The following KCND2 variants were observed in gnomAD, a reference collection of about 807,000 sequenced individuals.
KCND2 encodes A-type voltage-gated potassium channel KCND2.
In KCND2, 16 loss-of-function variants were observed where a neutral mutation model predicts 54.4. The ratio of observed to expected loss-of-function variants is 0.29; its 90% CI spans 0.20 to 0.45. The LOEUF (loss-of-function observed/expected upper bound fraction) is 0.45, where lower values mean the gene tolerates loss of function less well. Ranked by LOEUF, KCND2 falls within the 20% of genes least tolerant of loss-of-function variation. The probability of loss-of-function intolerance (pLI) is 1.00; values close to 1 mark genes in which losing one functional copy is unlikely to be tolerated. For missense variants in KCND2, 486 were observed against 824.2 expected (o/e 0.59, Z 5.02); for synonymous variants, 317 against 310.7 (o/e 1.02, Z -0.21).
rs367633670 is a variant in KCND2, at chr7:120,275,622, G to T, written c.990G>T (p.Ser330=). ...CAGAATTGGGCTTCTTGCTTTTCTC[G>T]CTCACCATGGCTATCATCATCTTCG... ...CASELGFLLF[S]LTMAIIIFAT... Residue 330 remains serine (S), a synonymous_variant, in exon 1 of 6, where the codon TCG becomes TCT. Transcript: ENST00000331113. The T allele has an allele frequency of 6.2e-7, 1 of 1,610,042 alleles. No homozygotes were observed. Among genetic ancestry groups the T allele is most frequent in the Non-Finnish European group, 8.5e-7 (1 of 1,179,978 alleles).
At chr7:120,598,092 A>G (rs1362035960) in intron 1 of KCND2, among the ~76,000 whole-genome samples, 1 of 152,012 alleles carries the variant, frequency 6.6e-6, no homozygotes, top group East Asian at 1.9e-4. Flanking sequence ...AAAAAAAACT[A>G]AAGAAAAACT....
chr7:120,365,146 GA>G, intron 1 of KCND2, among the ~76,000 whole-genome samples: 1 of 145,928 alleles, frequency 6.9e-6, no homozygotes, highest in East Asian at 2.1e-4. Flanking sequence ...TGAAATTAAG[GA>G]AGGGAAAATG....
intron 1 of KCND2, among the ~76,000 whole-genome samples, chr7:120,575,132 G>C (rs900971733): frequency 1.3e-5 from 2 of 152,102 alleles, no homozygotes; most frequent in Non-Finnish European, 2.9e-5. Context: ...ATATATGAAA[G>C]GGTGTTTATT....
At chr7:120,555,241 G>T (rs1386266647) in intron 1 of KCND2, among the ~76,000 whole-genome samples, 2 of 152,126 alleles carry the variant, frequency 1.3e-5, no homozygotes, top group Non-Finnish European at 1.5e-5. Context: ...TGGGTTTGGG[G>T]TGATTGTAAC....
chr7:120,591,811 A>G (rs1792675162), intron 1 of KCND2, among the ~76,000 whole-genome samples: 1 of 152,210 alleles, frequency 6.6e-6, no homozygotes, highest in Admixed American at 6.5e-5. Flanking sequence ...GGTACTTGCC[A>G]CTATGTGTGA....
intron 1 of KCND2, among the ~76,000 whole-genome samples, chr7:120,634,070 T>C (rs1202604568): frequency 3.9e-5 from 6 of 152,158 alleles, no homozygotes; most frequent in Non-Finnish European, 1.5e-5. Context: ...AACAGGCATT[T>C]ATAGAATCTT....
chr7:120,459,123 C>G lies in KCND2; in HGVS notation c.1115+183376C>G, dbSNP rs979032892. Among the ~76,000 whole-genome samples, 5 of 152,000 alleles carry G rather than the reference C, an allele frequency of 3.3e-5. No homozygotes were observed. In the South Asian group the frequency reaches 8.3e-4, roughly 25 times the overall value. The stretch of plus-strand genomic sequence containing the variant: ...TGCAAACTCTCCCAGAAAACAAGCC[C>G]AAGCACTTAATATGGCCTATCAGGC... On this transcript the variant is annotated intron_variant, in intron 1 of 5. Coordinates refer to ENST00000331113, the MANE Select transcript of KCND2 (RefSeq NM_012281.3).
At chr7:120,298,403 A>G (rs1799540530) in intron 1 of KCND2, among the ~76,000 whole-genome samples, 1 of 152,214 alleles carries the variant, frequency 6.6e-6, no homozygotes, top group African/African-American at 2.4e-5. Flanking sequence ...GAACTATACC[A>G]GTCTAGTGAC....
intron 1 of KCND2, among the ~76,000 whole-genome samples, chr7:120,730,809 T>G (rs116669225): frequency 0.01 from 1,583 of 152,258 alleles, 21 homozygotes; most frequent in African/African-American, 0.036. Context: ...CCAATTCCTC[T>G]CCATCTCCAT....
intron 1 of KCND2, among the ~76,000 whole-genome samples, chr7:120,428,866 A>C (rs891032498): frequency 1.4e-4 from 21 of 152,186 alleles, no homozygotes; most frequent in Non-Finnish European, 1.0e-4. Context: ...AAATACATAA[A>C]TACCCCTTAA....
chr7:120,301,668 C>T (rs80145614), intron 1 of KCND2, among the ~76,000 whole-genome samples: 3,227 of 151,934 alleles, frequency 0.021, 74 homozygotes, highest in South Asian at 0.1. Flanking sequence ...ACAAAATATA[C>T]GAAAATTTTA....
intron 1 of KCND2, among the ~76,000 whole-genome samples, chr7:120,426,463 T>A (rs1199646652): frequency 6.6e-6 from 1 of 152,194 alleles, no homozygotes; most frequent in African/African-American, 2.4e-5. Context: ...AAAGTTTAAC[T>A]GACAAAGCTA....
chr7:120,369,073 C>A (rs1563024022), intron 1 of KCND2, among the ~76,000 whole-genome samples: 2 of 151,546 alleles, frequency 1.3e-5, no homozygotes, highest in Non-Finnish European at 2.9e-5. Context: ...ATCTTTGATC[C>A]TTCTTTGATA....
At chr7:120,502,135 C>T (rs1262065439) in intron 1 of KCND2, among the ~76,000 whole-genome samples, 1 of 152,014 alleles carries the variant, frequency 6.6e-6, no homozygotes, top group Non-Finnish European at 1.5e-5. Context: ...ATGGCTGTTA[C>T]TGTGTTTAAG....
chr7:120,548,164 T>A (rs1223041243), intron 1 of KCND2, among the ~76,000 whole-genome samples: 1 of 152,022 alleles, frequency 6.6e-6, no homozygotes, highest in African/African-American at 2.4e-5. Context: ...CAACAGAACA[T>A]GGGTTTATGT....
chr7:120,639,251 A>G (rs752693322), intron 1 of KCND2, among the ~76,000 whole-genome samples: 1 of 152,198 alleles, frequency 6.6e-6, no homozygotes, highest in Non-Finnish European at 1.5e-5. Flanking sequence ...ATGAAAGTGA[A>G]AAAGAATACC....
chr7:120,462,629 A>G (rs908583000), intron 1 of KCND2, among the ~76,000 whole-genome samples: 1 of 152,010 alleles, frequency 6.6e-6, no homozygotes, highest in African/African-American at 2.4e-5. Context: ...ATAGTCTATA[A>G]TCTCTGCCCT....
At chr7:120,485,966 C>A (rs1405930524) in intron 1 of KCND2, among the ~76,000 whole-genome samples, 1 of 152,152 alleles carries the variant, frequency 6.6e-6, no homozygotes, top group Non-Finnish European at 1.5e-5. Context: ...AGAATTCACT[C>A]ACCCAAGAGT....
intron 1 of KCND2, among the ~76,000 whole-genome samples, chr7:120,430,309 T>C (rs1367470974): frequency 6.6e-6 from 1 of 152,110 alleles, no homozygotes; most frequent in Non-Finnish European, 1.5e-5. Context: ...AGTTCTACTC[T>C]AGAGCGCAAC....
Sources: gnomAD v4.1 joint callset for allele counts (sites outside exome capture counted in the v4.1 genomes callset) on GRCh38, gnomAD v4.1.1 for gene constraint, MANE v1.5 for transcripts, NCBI Gene and HGNC (gene_info 2026-07-23, HGNC 2026-07-21) for gene names.